IRX4: variants seen among roughly 807,000 people sequenced by gnomAD.
IRX4 encodes the protein iroquois-class homeodomain protein IRX-4.
IRX4 carries 22 observed loss-of-function variants against 32.0 expected under a neutral mutation model. The ratio of observed to expected loss-of-function variants is 0.69; its 90% CI spans 0.49 to 0.98. IRX4 has a LOEUF of 0.98. Among genes scored for constraint, IRX4 ranks in the 50% least tolerant of loss-of-function variants. IRX4 has a pLI of 0.00. For missense variants in IRX4, 840 were observed against 744.2 expected (o/e 1.13, Z -1.50); for synonymous variants, 379 against 351.7 (o/e 1.08, Z -0.87).
intron 2 of IRX4, 141 bp downstream of exon 2, chr5:1,881,667 C>T (rs1392753791): frequency 8.5e-6 from 9 of 1,060,450 alleles, no homozygotes; most frequent in African/African-American, 3.2e-5. Context: ...GGCTGGGAGG[C>T]GCAAAGTTGA....
In IRX4 at chr5:1,877,637, C is replaced by T. The variant is rs1454077676; in HGVS notation, c.*332G>A. 6.0e-6 allele frequency: 2 copies of T among 333,378 alleles called. No individual in the cohort carries two copies. The highest frequency in any genetic ancestry group is 1.1e-5 in the Non-Finnish European group (2 of 184,224). The allele number at this position is 333,378 out of a possible 1,614,324, so 20.7% of individuals were successfully genotyped here. On this transcript the variant is annotated 3_prime_UTR_variant, in exon 5 of 5. Coordinates refer to ENST00000231357, the MANE Select transcript of IRX4 (RefSeq NM_016358.3). ...GGCCTCACGCCCAGGGGACAGCAGA[C>T]CACGCTTCAGAACGGAACCGCCTTC...
chr5:1,879,876 C>T (rs989684349), intron 3 of IRX4, 44 bp from the exon 4 acceptor site: 3 of 1,607,970 alleles, frequency 1.9e-6, no homozygotes, highest in Non-Finnish European at 2.5e-6. Context: ...GCCCTCTGGG[C>T]CCCAGGCATC....
chr5:1,883,504 C>T (rs2111453680), upstream of IRX4, among the ~76,000 whole-genome samples: 1 of 152,328 alleles, frequency 6.6e-6, no homozygotes, highest in African/African-American at 2.4e-5. Flanking sequence ...GAACCCACTG[C>T]GGCCGCAAGA....
At position 1,879,557 on chromosome 5, in the gene IRX4, T is replaced by C. The variant is rs1014845718; in HGVS notation, c.683A>G (p.Glu228Gly). The C allele has an allele frequency of 6.3e-7, 1 of 1,591,900 alleles. No homozygotes were observed. The highest frequency in any genetic ancestry group is 8.6e-7 in the Non-Finnish European group (1 of 1,164,478). The change falls in exon 4 of 5, where the codon GAG becomes GGG. Residue 228 changes from glutamate (E) to glycine (G), a missense_variant. Physicochemically the swap from Glu to Gly is moderately conservative, Grantham distance 98. Coordinates refer to ENST00000231357, the MANE Select transcript of IRX4 (RefSeq NM_016358.3). ...CTCCCGCGCCTCCTCCTCGCCCCCC[T>C]CCTCCTCCTCGCCCTCCGCGTAGGG... The part of the protein sequence containing the change: ...KRPYAEGEEE[E>G]GGEEEAREEP...
chr5:1,880,658 G>C, intron 3 of IRX4, 67 bp downstream of exon 3: 1 of 1,023,792 alleles, frequency 9.8e-7, no homozygotes, highest in Middle Eastern at 2.1e-4. Context: ...ATGGTGGAGG[G>C]GAGTTGGTGG....
rs1487882495 is a variant in IRX4 at position 1,880,223 on chromosome 5, C to A, written c.408-391G>T. On this transcript the variant is annotated intron_variant, in intron 3 of 4. Coordinates refer to ENST00000231357, the MANE Select transcript of IRX4 (RefSeq NM_016358.3). ...TGTGGCAGGAAGGGTCATTACTGCC[C>A]AGGAGGAGAAAGCACCCAAGGGGCC... The A allele has an allele frequency of 2.5e-6, 3 of 1,186,246 alleles. No individual in the cohort carries two copies. The East Asian group carries it at 7.7e-5, about 31-fold the overall frequency. 73.5% of individuals were successfully genotyped at this position (1,186,246 alleles called of 1,614,324 possible). A position where few individuals can be genotyped will look rare whatever the true frequency, so the allele number is the denominator to read the frequency against.
In IRX4 at chr5:1,877,761, G is replaced by C. The variant is rs151160631; in HGVS notation, c.*208C>G. 1.1e-3 allele frequency: 583 copies of C among 542,460 alleles called. 7 individuals carry two copies. The East Asian group carries it at 0.015, about 14-fold the overall frequency. 33.6% of individuals were successfully genotyped at this position (542,460 alleles called of 1,614,324 possible). A position where few individuals can be genotyped will look rare whatever the true frequency, so the allele number is the denominator to read the frequency against. ...CGCGTCCCAAATTTGGGAATGGCCCGGTCAGGCTCAGGCCCAGGCGGTGGA... is the reference window on the plus strand; with the variant it reads ...CGCGTCCCAAATTTGGGAATGGCCCCGTCAGGCTCAGGCCCAGGCGGTGGA... On this transcript the variant is annotated 3_prime_UTR_variant, in exon 5 of 5. Transcript: ENST00000231357.
chr5:1,887,050 G>A (rs1209585412), upstream of IRX4: 6 of 151,452 alleles, frequency 4.0e-5, no homozygotes, highest in Non-Finnish European at 7.4e-5. Context: ...GGGAGCGGGG[G>A]ACCTCACCTA....
rs548751399 is a variant in IRX4 at position 1,878,382 on chromosome 5, TGGCGGCGGC to T, written c.1138_1146del (p.Ala380_Ala382del). 3.7e-5 allele frequency: 57 copies of T among 1,530,166 alleles called. No individual in the cohort carries two copies. Among genetic ancestry groups the T allele is most frequent in the African/African-American group, 1.9e-4 (14 of 72,444 alleles). 94.8% of individuals were successfully genotyped at this position (1,530,166 alleles called of 1,614,324 possible). ...GGAAACTCAGTCTGGCTCAGGGAGG[TGGCGGCGGC>T]GGCGGCGGCGGTGGCTGTGTGGGCC... On this transcript the variant is annotated inframe_deletion, in exon 5 of 5. Transcript: ENST00000231357.
chr5:1,878,412 G>A lies in IRX4; in HGVS notation c.1117C>T (p.His373Tyr), dbSNP rs1253211244. ...EAKPRIWSLA[H>Y]TATAAAAAAT... ...GCGGCGGCGGCGGCGGTGGCTGTGT[G>A]GGCCAGGGACCAGATGCGCGGCTTA... Residue 373 changes from histidine (H) to tyrosine (Y), a missense_variant, in exon 5 of 5, where the codon CAC becomes TAC. Transcript: ENST00000231357. 4 of 1,524,806 alleles carry A rather than the reference G, an allele frequency of 2.6e-6. No homozygotes were observed. Among genetic ancestry groups the A allele is most frequent in the African/African-American group, 1.4e-5 (1 of 72,520 alleles). The allele number at this position is 1,524,806 out of a possible 1,614,324, so 94.5% of individuals were successfully genotyped here.
At chr5:1,887,135 G>C (rs1735658173), upstream of IRX4, 1 of 151,648 alleles carries the variant, frequency 6.6e-6, no homozygotes, top group Admixed American at 6.6e-5. Context: ...CGCTCCAGCG[G>C]GGAGCCGGCG....
rs1375538948 is a variant in IRX4, at chr5:1,878,234, A to C, written c.1295T>G (p.Val432Gly). 6.2e-7 allele frequency: 1 copy of C among 1,605,420 alleles called. No homozygotes were observed. Among genetic ancestry groups the C allele is most frequent in the Non-Finnish European group, 8.5e-7 (1 of 1,176,998 alleles). The change falls in exon 5 of 5, where the codon GTA becomes GGA. Residue 432 changes from valine (V) to glycine (G), a missense_variant. Val to Gly is a moderately radical substitution (Grantham distance 109). This residue lies in a region of IRX4 where 585 missense variants were observed against 488.0 expected (regional missense o/e 1.20). Transcript: ENST00000231357. ...GTCCACCCAGTTTCTGAGACTGGTT[A>C]CCGGGGAGTCCTGGTGCCTGTCCAG... ...GALDRHQDSP[V>G]TSLRNWVDGV...
upstream of IRX4, among the ~76,000 whole-genome samples, chr5:1,886,643 GC>G: frequency 6.6e-6 from 1 of 152,164 alleles, no homozygotes; most frequent in African/African-American, 2.4e-5. Context: ...CCTGGGTACG[GC>G]CTGAGGCTGG....
chr5:1,882,522 G>T, intron 1 of IRX4, 81 bp downstream of exon 1: 2 of 1,253,016 alleles, frequency 1.6e-6, no homozygotes, highest in Admixed American at 2.1e-5. Flanking sequence ...GTCGTAGGTC[G>T]GACACTCCCC....
intron 4 of IRX4, 147 bp downstream of exon 4, chr5:1,879,357 G>T: frequency 2.3e-6 from 3 of 1,282,776 alleles, no homozygotes; most frequent in Non-Finnish European, 3.2e-6. Flanking sequence ...TCCCCACATT[G>T]GTAGCCTGAG....
Position 1,877,853 on chromosome 5 carries a change from C to CGGTG in IRX4, c.*112_*115dup. On this transcript the variant is annotated 3_prime_UTR_variant, in exon 5 of 5. Coordinates refer to ENST00000231357, the MANE Select transcript of IRX4 (RefSeq NM_016358.3). ...AGTCCAAGTTCAGAAGCCCCCTCTC[C>CGGTG]GGTGGGTTGGCGGCTTCGCGGTGGC... 1.0e-6 allele frequency: 1 copy of CGGTG among 970,466 alleles called. No homozygotes were observed. Among genetic ancestry groups the CGGTG allele is most frequent in the South Asian group, 1.6e-5 (1 of 63,308 alleles). The allele number at this position is 970,466 out of a possible 1,614,324, so 60.1% of individuals were successfully genotyped here.
At chr5:1,886,554 C>T (rs1735637614), upstream of IRX4, among the ~76,000 whole-genome samples, 2 of 152,194 alleles carry the variant, frequency 1.3e-5, no homozygotes, top group African/African-American at 4.8e-5. Context: ...AGCGGTGAAT[C>T]TCTGGATTCC....
Position 1,877,937 on chromosome 5 carries a change from G to T in IRX4, c.*32C>A, listed in dbSNP as rs1186173996. 6.1e-6 allele frequency: 9 copies of T among 1,481,240 alleles called. 1 individual carries two copies. The highest frequency in any genetic ancestry group is 2.7e-6 in the Non-Finnish European group (3 of 1,113,866). The allele number at this position is 1,481,240 out of a possible 1,614,324, so 91.8% of individuals were successfully genotyped here. A position where few individuals can be genotyped will look rare whatever the true frequency, so the allele number is the denominator to read the frequency against. On this transcript the variant is annotated 3_prime_UTR_variant, in exon 5 of 5. Coordinates refer to ENST00000231357, the MANE Select transcript of IRX4 (RefSeq NM_016358.3). ...GAGTCGGCGCCGTCCGCCTGAGCGC[G>T]GGTTCCCTCCTGGGCTCGGGACCCG...
At chr5:1,881,548 C>T (rs1735438546) in intron 2 of IRX4, among the ~76,000 whole-genome samples, 1 of 150,274 alleles carries the variant, frequency 6.7e-6, no homozygotes, top group Non-Finnish European at 1.5e-5. Context: ...ACACGCAGAC[C>T]GAATCTGCCA....
Sources: gnomAD v4.1 joint callset for allele counts (sites outside exome capture counted in the v4.1 genomes callset) on GRCh38, gnomAD v4.1.1 for gene constraint, gnomAD v4.1.1 regional missense constraint, MANE v1.5 for transcripts, NCBI Gene and HGNC (gene_info 2026-07-23, HGNC 2026-07-21) for gene names.